Variants in TRANK1 observed in about 807,000 individuals in gnomAD.
The protein encoded by TRANK1 is tetratricopeptide repeat and ankyrin repeat containing 1.
A neutral mutation model predicts 266.0 loss-of-function variants in TRANK1; 198 were observed. The observed-to-expected ratio is 0.74, with a 90% CI of 0.66 to 0.84. The LOEUF is 0.84. Ranked by LOEUF, TRANK1 falls within the 40% of genes least tolerant of loss-of-function variation. The probability of loss-of-function intolerance (pLI) is 0.00; values close to 1 mark genes in which losing one functional copy is unlikely to be tolerated. For synonymous variants in TRANK1, 1,396 were observed against 1,384.1 expected (o/e 1.01, Z -0.19); for missense variants, 3,326 against 3,634.6 (o/e 0.92, Z 2.18).
chr3:36,880,277 C>T (rs1430363193), intron 8 of TRANK1: 5 of 355,942 alleles, frequency 1.4e-5, no homozygotes, highest in South Asian at 2.5e-5. Flanking sequence ...TTGCCAGCAT[C>T]AAGTTGGCCC....
intron 8 of TRANK1, among the ~76,000 whole-genome samples, chr3:36,882,986 C>T (rs2079551786): frequency 6.6e-6 from 1 of 152,126 alleles, no homozygotes; most frequent in Admixed American, 6.5e-5. Context: ...ACAAATTCTA[C>T]TGGTGAGACT....
At chr3:36,906,758 C>G (rs546560991) in intron 2 of TRANK1, among the ~76,000 whole-genome samples, 91 of 152,310 alleles carry the variant, frequency 6.0e-4, no homozygotes, top group Middle Eastern at 3.4e-3. Flanking sequence ...GCCTTCTCCC[C>G]CTCAGAGCCT....
intron 1 of TRANK1, among the ~76,000 whole-genome samples, chr3:36,930,494 T>C (rs1201095192): frequency 6.6e-6 from 1 of 152,180 alleles, no homozygotes; most frequent in Non-Finnish European, 1.5e-5. Flanking sequence ...TAAATTCATG[T>C]TGTTTTAAGC....
chr3:36,862,369 T>C (rs2079154445), intron 10 of TRANK1, among the ~76,000 whole-genome samples: 1 of 152,204 alleles, frequency 6.6e-6, no homozygotes, highest in South Asian at 2.1e-4. Flanking sequence ...CATTTTAATA[T>C]TTAAAATGTT....
At chr3:36,893,025 T>G in intron 5 of TRANK1, 41 bp from the exon 6 acceptor site, 1 of 1,231,348 alleles carries the variant, frequency 8.1e-7, no homozygotes, top group East Asian at 2.9e-5. Context: ...AATAATGTTC[T>G]CCACATAGGT....
intron 1 of TRANK1, among the ~76,000 whole-genome samples, chr3:36,922,096 T>C (rs1433815876): frequency 6.6e-6 from 1 of 152,134 alleles, no homozygotes; most frequent in African/African-American, 2.4e-5. Context: ...TGGTAAACCA[T>C]GACTATGCCA....
At chr3:36,874,045 A>C in intron 9 of TRANK1, 81 bp downstream of exon 9, 1 of 1,326,914 alleles carries the variant, frequency 7.5e-7, no homozygotes, top group South Asian at 1.5e-5. Flanking sequence ...TATATATACC[A>C]AAAAGAGATA....
chr3:36,847,432 C>A, intron 15 of TRANK1, 86 bp from the exon 16 acceptor site: 1 of 1,466,082 alleles, frequency 6.8e-7, no homozygotes. Context: ...GAAAACTAAG[C>A]CTCATCGGGG....
At chr3:36,892,736 A>G (rs568622696) in intron 6 of TRANK1, among the ~76,000 whole-genome samples, 165 bp downstream of exon 6, 173 of 152,082 alleles carry the variant, frequency 1.1e-3, no homozygotes, top group African/African-American at 4.1e-3. Flanking sequence ...AGGCTGAGGC[A>G]GGGAGAATTG....
At chr3:36,862,760 T>A (rs981991352) in intron 10 of TRANK1, among the ~76,000 whole-genome samples, 17 of 152,272 alleles carry the variant, frequency 1.1e-4, no homozygotes, top group Middle Eastern at 6.8e-3. Flanking sequence ...GACTTCAATG[T>A]CATCTCCACA....
intron 8 of TRANK1, among the ~76,000 whole-genome samples, chr3:36,874,859 C>T (rs2079362756): frequency 6.6e-6 from 1 of 151,808 alleles, no homozygotes; most frequent in African/African-American, 2.4e-5. Context: ...CAACTGTTTG[C>T]GGAATGAAAC....
chr3:36,850,724 A>G (rs376089065), intron 15 of TRANK1: 4 of 983,242 alleles, frequency 4.1e-6, no homozygotes, highest in Admixed American at 1.2e-4. Context: ...CAAAGCACCT[A>G]TATCAATATT....
intron 1 of TRANK1, among the ~76,000 whole-genome samples, chr3:36,938,899 G>T (rs969655664): frequency 6.6e-6 from 1 of 151,986 alleles, no homozygotes; most frequent in Non-Finnish European, 1.5e-5. Context: ...GGCAGAGGCT[G>T]CAGTGAGCCT....
chr3:36,905,223 G>A (rs978887084), intron 2 of TRANK1, among the ~76,000 whole-genome samples: 17 of 151,588 alleles, frequency 1.1e-4, no homozygotes, highest in Non-Finnish European at 2.2e-4. Context: ...GGGAGGCGGC[G>A]GAGCTTGCAG....
intron 11 of TRANK1, among the ~76,000 whole-genome samples, chr3:36,860,515 G>A (rs1223432611): frequency 6.6e-6 from 1 of 152,070 alleles, no homozygotes; most frequent in Non-Finnish European, 1.5e-5. Context: ...AGAAAAGAAT[G>A]TCACAGGAGT....
chr3:36,841,861 G>A, intron 18 of TRANK1, among the ~76,000 whole-genome samples: 1 of 150,366 alleles, frequency 6.7e-6, no homozygotes, highest in Non-Finnish European at 1.5e-5. Flanking sequence ...TTGAACTGCA[G>A]AACCAACCCT....
chr3:36,847,195 T>C lies in TRANK1; in HGVS notation c.5034+5A>G. On this transcript the variant is annotated splice_donor_5th_base_variant and intron_variant, in intron 16 of 23. Coordinates refer to ENST00000645898, the MANE Select transcript of TRANK1 (RefSeq NM_001329998.2). The stretch of plus-strand genomic sequence containing the variant: ...TACATGTGTTGACAAATGGCAGAAA[T>C]TCACCTTGTACATTTCTGGATTCAC... 2 of 1,610,814 alleles carry C rather than the reference T, an allele frequency of 1.2e-6. No homozygotes were observed. Among genetic ancestry groups the C allele is most frequent in the Non-Finnish European group, 1.7e-6 (2 of 1,177,876 alleles).
At chr3:36,898,055 G>A (rs1009493429) in intron 4 of TRANK1, among the ~76,000 whole-genome samples, 1 of 152,194 alleles carries the variant, frequency 6.6e-6, no homozygotes, top group Non-Finnish European at 1.5e-5. Context: ...ACCCTGACAT[G>A]GAGCACCCAT....
intron 1 of TRANK1, among the ~76,000 whole-genome samples, chr3:36,909,711 A>C (rs1352002874): frequency 6.6e-6 from 1 of 152,230 alleles, no homozygotes; most frequent in Non-Finnish European, 1.5e-5. Flanking sequence ...CCAAGCACAC[A>C]TAAGTGGTGA....
Sources: gnomAD v4.1 joint callset for allele counts (sites outside exome capture counted in the v4.1 genomes callset) on GRCh38, gnomAD v4.1.1 for gene constraint, MANE v1.5 for transcripts, NCBI Gene and HGNC (gene_info 2026-07-23, HGNC 2026-07-21) for gene names.